CACNB3: variants seen among roughly 807,000 people sequenced by gnomAD.
The protein encoded by CACNB3 is voltage-dependent L-type calcium channel subunit beta-3.
A neutral mutation model predicts 63.7 loss-of-function variants in CACNB3; 36 were observed. That is an observed-to-expected ratio of 0.57 (90% CI 0.43 to 0.75). CACNB3 has a LOEUF of 0.75. Among genes scored for constraint, CACNB3 ranks in the 30% least tolerant of loss-of-function variants. The pLI is 0.00. For missense variants in CACNB3, 493 were observed against 648.6 expected, an observed-to-expected ratio of 0.76 and a Z score of 2.61; for synonymous variants, 241 against 250.6, an observed-to-expected ratio of 0.96 and a Z score of 0.36.
At position 48,825,361 on chromosome 12, in the gene CACNB3, G is replaced by A; in HGVS notation, c.574-73G>A. ...CCAGGGTGTGTATGTGGAGCGCATT[G>A]ACTCTGGGGCCATGCATGGGGAGGC... On this transcript the variant is annotated intron_variant, in intron 7 of 12. Transcript: ENST00000301050. The surrounding 1 kb of genome is among the most constrained non-coding windows in gnomAD (Gnocchi z 4.5). 1 of 1,585,152 alleles carries A rather than the reference G, an allele frequency of 6.3e-7. No homozygotes were observed. Among genetic ancestry groups the A allele is most frequent in the Non-Finnish European group, 8.7e-7 (1 of 1,153,920 alleles).
upstream of CACNB3, chr12:48,817,248 A>T (rs1942308377): frequency 6.5e-6 from 1 of 152,880 alleles, no homozygotes; most frequent in African/African-American, 2.4e-5. Flanking sequence ...GATAACACCG[A>T]TAAGTGACCC....
intron 1 of CACNB3, among the ~76,000 whole-genome samples, chr12:48,819,381 G>A (rs1758961280): frequency 6.6e-6 from 1 of 152,284 alleles, no homozygotes; most frequent in Non-Finnish European, 1.5e-5. Context: ...TGGGGAGGCA[G>A]ACATTCTAGA....
upstream of CACNB3, chr12:48,815,395 G>A: frequency 1.9e-6 from 1 of 537,806 alleles, no homozygotes; most frequent in Non-Finnish European, 3.2e-6. Flanking sequence ...CGGAAAAACA[G>A]AACGAGGACC....
upstream of CACNB3, chr12:48,815,787 A>C (rs1942274132): frequency 9.2e-7 from 1 of 1,088,870 alleles, no homozygotes; most frequent in South Asian, 1.3e-5. Flanking sequence ...GTGGGAGGAG[A>C]GCTCCGCTCC....
chr12:48,815,288 A>G (rs917574046), upstream of CACNB3: 8 of 270,488 alleles, frequency 3.0e-5, no homozygotes, highest in African/African-American at 4.5e-5. Flanking sequence ...CAGAGTCCCT[A>G]CTCTTTCTCG....
rs1195466889 is a variant in CACNB3, at chr12:48,826,839, G to C, written c.975G>C (p.Leu325=). Residue 325 remains leucine (L), a synonymous_variant, in exon 11 of 13, where the codon CTG becomes CTC. Transcript: ENST00000301050. This position sits in a 1 kb window ranked among gnomAD's most constrained non-coding sequence, Gnocchi z 4.8. ...TACAGATGATGGCATATGATAAGCT[G>C]GTTCAGTGCCCACCGGTGAGTGCCT... ...LTVQMMAYDK[L]VQCPPESFDV... The C allele has an allele frequency of 6.2e-7, 1 of 1,613,930 alleles. No individual in the cohort carries two copies. Among genetic ancestry groups the C allele is most frequent in the African/African-American group, 1.3e-5 (1 of 74,916 alleles).
Position 48,827,028 on chromosome 12 carries a change from C to G in CACNB3, c.1045C>G (p.Leu349Val). ...ENQLEDACEH[L>V]AEYLEVYWRA... ...CCAGCTGGAGGATGCCTGTGAGCAC[C>G]TGGCTGAGTACCTGGAGGTTTACTG... The change falls in exon 12 of 13, where the codon CTG becomes GTG. Residue 349 changes from leucine (L) to valine (V), a missense_variant. Leu to Val is a conservative substitution (Grantham distance 32). Coordinates refer to ENST00000301050, the MANE Select transcript of CACNB3 (RefSeq NM_000725.4). 6.2e-7 allele frequency: 1 copy of G among 1,614,106 alleles called. No individual in the cohort carries two copies. Among genetic ancestry groups the G allele is most frequent in the Non-Finnish European group, 8.5e-7 (1 of 1,180,028 alleles).
upstream of CACNB3, chr12:48,815,875 G>A (rs911705224): frequency 2.2e-5 from 15 of 679,978 alleles, no homozygotes; most frequent in Admixed American, 2.4e-4. Flanking sequence ...TGAGGCCAGG[G>A]GTGGAAGAGG....
In CACNB3 at chr12:48,825,309, A is replaced by G; in HGVS notation, c.573+66A>G. 2 of 1,578,332 alleles carry G rather than the reference A, an allele frequency of 1.3e-6. No homozygotes were observed. Among genetic ancestry groups the G allele is most frequent in the South Asian group, 1.1e-5 (1 of 90,034 alleles). On this transcript the variant is annotated intron_variant, in intron 7 of 12. Coordinates refer to ENST00000301050, the MANE Select transcript of CACNB3 (RefSeq NM_000725.4). This position sits in a 1 kb window ranked among gnomAD's most constrained non-coding sequence, Gnocchi z 4.5. ...AGCCTGCCACAGGAAGTCCCTAGGG[A>G]AAGTGGAAGGGGTGTGTCTCCTCCG... is the stretch of plus-strand genomic sequence containing the variant.
intron 3 of CACNB3, chr12:48,824,027 G>T: frequency 1.5e-6 from 1 of 677,718 alleles, no homozygotes; most frequent in Non-Finnish European, 2.5e-6. Context: ...CAAGTGAGCA[G>T]TTAGATTAGC....
At chr12:48,815,390 A>G, upstream of CACNB3, 1 of 504,280 alleles carries the variant, frequency 2.0e-6, no homozygotes, top group Non-Finnish European at 3.4e-6. Context: ...GCACACGGAA[A>G]AACAGAACGA....
chr12:48,824,998 G>T (rs1262945332), intron 6 of CACNB3, 30 bp downstream of exon 6: 5 of 1,604,766 alleles, frequency 3.1e-6, no homozygotes, highest in Non-Finnish European at 2.5e-6. Flanking sequence ...TGGGCTGGGG[G>T]GATCATGGCT....
Position 48,819,194 on chromosome 12 carries a change from A to G in CACNB3, c.45+220A>G, listed in dbSNP as rs547546994. Among the ~76,000 whole-genome samples, 16 of 152,006 alleles carry G rather than the reference A, an allele frequency of 1.1e-4. No individual in the cohort carries two copies. The South Asian group carries it at 2.7e-3, about 26-fold the overall frequency. ...CATCGGGTGTGTGCAGAGAGGGGGC[A>G]GTATAGGGGAAGGGCTCAAGCAGGT... On this transcript the variant is annotated intron_variant, in intron 1 of 12. Transcript: ENST00000301050.
In CACNB3 at chr12:48,828,156, CCT is replaced by C. The variant is rs914032508; in HGVS notation, c.*261_*262del. 5 of 545,176 alleles carry C rather than the reference CCT, an allele frequency of 9.2e-6. No homozygotes were observed. Among genetic ancestry groups the C allele is most frequent in the Non-Finnish European group, 1.3e-5 (4 of 301,968 alleles). The allele number at this position is 545,176 out of a possible 1,614,324, so 33.8% of individuals were successfully genotyped here. A position where few individuals can be genotyped will look rare whatever the true frequency, so the allele number is the denominator to read the frequency against. Reference sequence around the variant, plus strand: ...GTGTGTTCTGCACCCCTGGCACCTTCCTCTCCTCCCACACAGGAAGCTGCCCC... The same window carrying C: ...GTGTGTTCTGCACCCCTGGCACCTTCCTCCTCCCACACAGGAAGCTGCCCC... On this transcript the variant is annotated 3_prime_UTR_variant, in exon 13 of 13. Transcript: ENST00000301050.
Position 48,825,503 on chromosome 12 carries a change from C to G in CACNB3, c.632+11C>G, listed in dbSNP as rs79891106. On this transcript the variant is annotated intron_variant, in intron 8 of 12. Coordinates refer to ENST00000301050, the MANE Select transcript of CACNB3 (RefSeq NM_000725.4). The surrounding 1 kb of genome is among the most constrained non-coding windows in gnomAD (Gnocchi z 4.5). Reference sequence around the variant, plus strand: ...CAGATTTGATGGCAGGTAAGCTGCCCTGGCCTGAGGTGGCCTGAGAACCAA... The same window carrying G: ...CAGATTTGATGGCAGGTAAGCTGCCGTGGCCTGAGGTGGCCTGAGAACCAA... The G allele has an allele frequency of 4.7e-3, 7,622 of 1,613,930 alleles. 311 individuals are homozygous for G. In the African/African-American group the frequency reaches 0.088, roughly 19 times the overall value.
intron 1 of CACNB3, chr12:48,820,734 A>G (rs1355204047): frequency 6.6e-6 from 1 of 152,298 alleles, no homozygotes; most frequent in East Asian, 1.9e-4. Flanking sequence ...GGCCTCCCCA[A>G]GTAATACTGG....
At position 48,823,032 on chromosome 12, in the gene CACNB3, G is replaced by T. The variant is rs536012906; in HGVS notation, c.46-312G>T. ...TCTTCAGCACACCTCCCTTCCCTCGGCTCAGAGGACATGTTAGAGGGGAGA... is the reference window on the plus strand; with the variant it reads ...TCTTCAGCACACCTCCCTTCCCTCGTCTCAGAGGACATGTTAGAGGGGAGA... On this transcript the variant is annotated intron_variant, in intron 1 of 12. Transcript: ENST00000301050. The surrounding 1 kb of genome is among the most constrained non-coding windows in gnomAD (Gnocchi z 4.2). Among the ~76,000 whole-genome samples, 2 of 152,296 alleles carry T rather than the reference G, an allele frequency of 1.3e-5. No homozygotes were observed. Among genetic ancestry groups the T allele is most frequent in the East Asian group, 3.9e-4 (2 of 5,170 alleles).
In CACNB3 at chr12:48,826,736, C is replaced by G; in HGVS notation, c.895-23C>G. 1.3e-6 allele frequency: 2 copies of G among 1,598,640 alleles called. No individual in the cohort carries two copies. Among genetic ancestry groups the G allele is most frequent in the Non-Finnish European group, 1.7e-6 (2 of 1,165,914 alleles). ...CCCAGAGTCCTGAGAGACTCCAGGC[C>G]TAGCTCTGCCCTCCCCGCTCAGGTA... On this transcript the variant is annotated intron_variant, in intron 10 of 12. Transcript: ENST00000301050. This position sits in a 1 kb window ranked among gnomAD's most constrained non-coding sequence, Gnocchi z 4.8.
Position 48,828,941 on chromosome 12 carries a change from C to T in CACNB3, c.*1042C>T. On this transcript the variant is annotated 3_prime_UTR_variant, in exon 13 of 13. Coordinates refer to ENST00000301050, the MANE Select transcript of CACNB3 (RefSeq NM_000725.4). ...ATCACTAATAAACATCATGCACAGT[C>T]CCTCCGGCTTCTGTTCTGTCTGTGA... 5.8e-6 allele frequency: 2 copies of T among 344,480 alleles called. No homozygotes were observed. The highest frequency in any genetic ancestry group is 2.3e-5 in the South Asian group (1 of 44,432). 21.3% of individuals were successfully genotyped at this position (344,480 alleles called of 1,614,324 possible). A position where few individuals can be genotyped will look rare whatever the true frequency, so the allele number is the denominator to read the frequency against.
Sources: allele counts gnomAD v4.1 joint callset (sites outside exome capture counted in the v4.1 genomes callset), GRCh38; gene constraint gnomAD v4.1.1; non-coding constraint Gnocchi (gnomAD v3.1); transcripts MANE v1.5; gene names NCBI Gene and HGNC (gene_info 2026-07-23, HGNC 2026-07-21).